ANKRD12: variants seen among roughly 807,000 people sequenced by gnomAD.
The protein encoded by ANKRD12 is ankyrin repeat domain-containing protein 12.
A neutral mutation model predicts 183.4 loss-of-function variants in ANKRD12; 85 were observed. The observed-to-expected ratio is 0.46, with a 90% CI of 0.39 to 0.56. The LOEUF is 0.56. ANKRD12 is among the 20% of genes least tolerant of loss of function. The pLI is 0.00. For missense variants in ANKRD12, 2,405 were observed against 2,357.1 expected (o/e 1.02, Z -0.42); for synonymous variants, 914 against 800.2 (o/e 1.14, Z -2.40).
chr18:9,174,997 C>T (rs552283835), intron 1 of ANKRD12, among the ~76,000 whole-genome samples: 1 of 152,054 alleles, frequency 6.6e-6, no homozygotes, highest in Non-Finnish European at 1.5e-5. Flanking sequence ...CTTTGTTGCC[C>T]GGGCTGGAGT....
chr18:9,236,378 C>G (rs1055222774), intron 8 of ANKRD12, among the ~76,000 whole-genome samples: 1 of 149,568 alleles, frequency 6.7e-6, no homozygotes, highest in Non-Finnish European at 1.5e-5. Context: ...GTTAACCCAC[C>G]TAAGTGAAAC....
At chr18:9,140,544 T>A (rs2143301292) in intron 1 of ANKRD12, among the ~76,000 whole-genome samples, 1 of 152,324 alleles carries the variant, frequency 6.6e-6, no homozygotes, top group African/African-American at 2.4e-5. Context: ...AGTGGCTTTT[T>A]AAAAGTAATA....
chr18:9,251,721 G>A (rs992943560), intron 8 of ANKRD12, among the ~76,000 whole-genome samples: 7 of 152,094 alleles, frequency 4.6e-5, no homozygotes, highest in Non-Finnish European at 2.9e-5. Context: ...TTGAACCCAG[G>A]AGATGGAGGT....
intron 5 of ANKRD12, among the ~76,000 whole-genome samples, chr18:9,211,201 A>G (rs1017864934): frequency 1.9e-4 from 29 of 152,296 alleles, no homozygotes; most frequent in African/African-American, 6.7e-4. Context: ...CTGAGTCAGA[A>G]GTGTGGACTC....
chr18:9,270,821 AATG>A (rs1298957366), intron 10 of ANKRD12, among the ~76,000 whole-genome samples: 1 of 152,236 alleles, frequency 6.6e-6, no homozygotes, highest in Admixed American at 6.5e-5. Flanking sequence ...TTAATAAAAA[AATG>A]ATACATCTTA....
chr18:9,264,167 A>T (rs1567992832), intron 10 of ANKRD12, among the ~76,000 whole-genome samples: 1 of 152,218 alleles, frequency 6.6e-6, no homozygotes, highest in Non-Finnish European at 1.5e-5. Context: ...GTAGATTCCT[A>T]GTGGAACATT....
chr18:9,177,190 C>T (rs1257137426), intron 1 of ANKRD12, among the ~76,000 whole-genome samples: 1 of 152,080 alleles, frequency 6.6e-6, no homozygotes, highest in Admixed American at 6.6e-5. Flanking sequence ...GAAGTGCAAG[C>T]AGTGTAATAG....
intron 3 of ANKRD12, among the ~76,000 whole-genome samples, chr18:9,203,337 G>T (rs1462249907): frequency 6.6e-6 from 1 of 151,558 alleles, no homozygotes; most frequent in Non-Finnish European, 1.5e-5. Context: ...TCTCTAAGTT[G>T]TTTTTTTTGA....
intron 10 of ANKRD12, among the ~76,000 whole-genome samples, chr18:9,266,080 G>T (rs1285301658): frequency 4.6e-5 from 7 of 152,170 alleles, no homozygotes; most frequent in Non-Finnish European, 7.3e-5. Flanking sequence ...AGAATAAAAA[G>T]AAACGAACAA....
intron 1 of ANKRD12, among the ~76,000 whole-genome samples, chr18:9,142,569 C>G (rs1178553753): frequency 6.6e-6 from 1 of 152,168 alleles, no homozygotes; most frequent in Admixed American, 6.5e-5. Flanking sequence ...TAAAAACATT[C>G]CTTATACAGC....
In ANKRD12 at chr18:9,211,794, G is replaced by A. The variant is rs2035816263; in HGVS notation, c.652+10G>A. 1 of 1,603,786 alleles carries A rather than the reference G, an allele frequency of 6.2e-7. No individual in the cohort carries two copies. The highest frequency in any genetic ancestry group is 8.5e-7 in the Non-Finnish European group (1 of 1,171,452). ...GTGAAAGATTTTGCAGGTAAGACTA[G>A]TAATTCAATACCTACTATTCAGGCA... On this transcript the variant is annotated intron_variant, in intron 6 of 12. Transcript: ENST00000262126.
chr18:9,258,024 C>T lies in ANKRD12; in HGVS notation c.4757C>T (p.Pro1586Leu). Reference protein sequence around the residue: ...FEKAYTLPVLPSEKDFNGSDA... With the variant: ...FEKAYTLPVLLSEKDFNGSDA... ...AAAGCTTATACTTTACCTGTGTTAC[C>T]ATCAGAAAAGGACTTTAATGGAAGT... Residue 1586 changes from proline (P) to leucine (L), a missense_variant, in exon 9 of 13, where the codon CCA becomes CTA. Coordinates refer to ENST00000262126, the MANE Select transcript of ANKRD12 (RefSeq NM_015208.5). 1 of 1,613,588 alleles carries T rather than the reference C, an allele frequency of 6.2e-7. No individual in the cohort carries two copies. The highest frequency in any genetic ancestry group is 1.1e-5 in the South Asian group (1 of 91,048).
chr18:9,240,655 T>G (rs1359062501), intron 8 of ANKRD12, among the ~76,000 whole-genome samples: 2 of 152,186 alleles, frequency 1.3e-5, no homozygotes, highest in Non-Finnish European at 2.9e-5. Context: ...TTTTCTACCT[T>G]ACCTTGTCAG....
chr18:9,208,839 T>G, intron 5 of ANKRD12, 36 bp downstream of exon 5: 1 of 1,461,544 alleles, frequency 6.8e-7, no homozygotes, highest in African/African-American at 1.4e-5. Flanking sequence ...TGTGTATCCC[T>G]AGTTTTCCTC....
chr18:9,262,546 A>T (rs1411283207), intron 9 of ANKRD12, among the ~76,000 whole-genome samples: 1 of 151,856 alleles, frequency 6.6e-6, no homozygotes, highest in Non-Finnish European at 1.5e-5. Context: ...TGCAGCCTCA[A>T]ACTTCTGGAC....
At position 9,150,497 on chromosome 18, in the gene ANKRD12, A is replaced by G. The variant is rs570374850; in HGVS notation, c.-52+13532A>G. On this transcript the variant is annotated intron_variant, in intron 1 of 12. Transcript: ENST00000262126. ...GAACTTTATAAAATAGACCATAAAA[A>G]TTCCTTAAGGACTTTTAAGAACATT... Among the ~76,000 whole-genome samples, 50 of 152,320 alleles carry G rather than the reference A, an allele frequency of 3.3e-4. No individual in the cohort carries two copies. In the South Asian group the frequency reaches 9.7e-3, roughly 30 times the overall value.
At chr18:9,143,494 A>C (rs1305405031) in intron 1 of ANKRD12, among the ~76,000 whole-genome samples, 1 of 152,154 alleles carries the variant, frequency 6.6e-6, no homozygotes, top group Non-Finnish European at 1.5e-5. Flanking sequence ...GGAGTTTCAC[A>C]CTGTTGCCCA....
Position 9,256,441 on chromosome 18 carries a change from A to G in ANKRD12, c.3174A>G (p.Pro1058=), listed in dbSNP as rs1340752103. 1 of 1,613,464 alleles carries G rather than the reference A, an allele frequency of 6.2e-7. No individual in the cohort carries two copies. Among genetic ancestry groups the G allele is most frequent in the Non-Finnish European group, 8.5e-7 (1 of 1,179,844 alleles). The change falls in exon 9 of 13, where the codon CCA becomes CCG. Residue 1058 remains proline (P), a synonymous_variant. Transcript: ENST00000262126. ...ATAAGCCTAAACCTAAGTCATCACCAGCATCAAAAGATACCCGACCTAAAG... is the reference window on the plus strand; with the variant it reads ...ATAAGCCTAAACCTAAGTCATCACCGGCATCAAAAGATACCCGACCTAAAG... ...EADKPKPKSS[P]ASKDTRPKEK... is the part of the protein sequence containing the mutation.
rs750678357 is a variant in ANKRD12 at position 9,258,037 on chromosome 18, C to T, written c.4770C>T (p.Asp1590=). 2.2e-5 allele frequency: 35 copies of T among 1,613,458 alleles called. No homozygotes were observed. The highest frequency in any genetic ancestry group is 1.6e-4 in the Middle Eastern group (1 of 6,084). Residue 1590 remains aspartate, a synonymous_variant, in exon 9 of 13, where the codon GAC becomes GAT. Transcript: ENST00000262126. ...TACCTGTGTTACCATCAGAAAAGGACTTTAATGGAAGTGATGCCTCTACCC... is the reference window on the plus strand; with the variant it reads ...TACCTGTGTTACCATCAGAAAAGGATTTTAATGGAAGTGATGCCTCTACCC... ...YTLPVLPSEK[D]FNGSDASTQL...
Sources: gnomAD v4.1 joint callset for allele counts (sites outside exome capture counted in the v4.1 genomes callset) on GRCh38, gnomAD v4.1.1 for gene constraint, MANE v1.5 for transcripts, NCBI Gene and HGNC (gene_info 2026-07-23, HGNC 2026-07-21) for gene names.